GABBR2: variants seen among roughly 807,000 people sequenced by gnomAD.
The protein encoded by GABBR2 is G-protein coupled receptor 51.
In GABBR2, 23 loss-of-function variants were observed where a neutral mutation model predicts 105.6. That is an observed-to-expected ratio of 0.22 (90% CI 0.16 to 0.31). The LOEUF (loss-of-function observed/expected upper bound fraction) is 0.31, where lower values mean the gene tolerates loss of function less well. Ranked by LOEUF, GABBR2 falls within the 10% of genes least tolerant of loss-of-function variation. The pLI is 1.00. For synonymous variants in GABBR2, 478 were observed against 499.7 expected (o/e 0.96, Z 0.58); for missense variants, 734 against 1,245.5 (o/e 0.59, Z 6.18).
chr9:98,421,674 G>C (rs749265252), intron 7 of GABBR2, among the ~76,000 whole-genome samples: 2 of 152,044 alleles, frequency 1.3e-5, no homozygotes, highest in African/African-American at 2.4e-5. Flanking sequence ...TGGAATAAAG[G>C]GTTAATAGGT....
At chr9:98,506,618 C>G (rs1827517476) in intron 3 of GABBR2, among the ~76,000 whole-genome samples, 1 of 152,198 alleles carries the variant, frequency 6.6e-6, no homozygotes, top group South Asian at 2.1e-4. Context: ...AGGAAGAAAT[C>G]TGGGGAGAGC....
intron 1 of GABBR2, chr9:98,707,521 C>T (rs1830912610): frequency 6.6e-6 from 1 of 152,606 alleles, no homozygotes; most frequent in East Asian, 1.9e-4. Context: ...CGCTCTGGGG[C>T]TTCAGGCAGA....
rs77593793 is a variant in GABBR2 at position 98,540,127 on chromosome 9, C to T, written c.630+1746G>A. Reference sequence around the variant, plus strand: ...TCAGCGTTTGGCAATGAGTCACTCCCGCTGGAGGTCAAGTTCCCTTTGTGC... The same window carrying T: ...TCAGCGTTTGGCAATGAGTCACTCCTGCTGGAGGTCAAGTTCCCTTTGTGC... On this transcript the variant is annotated intron_variant, in intron 3 of 18. Coordinates refer to ENST00000259455, the MANE Select transcript of GABBR2 (RefSeq NM_005458.8). Among the ~76,000 whole-genome samples the T allele has an allele frequency of 3.4e-3, 524 of 152,160 alleles. 3 individuals carry two copies. Among genetic ancestry groups the T allele is most frequent in the African/African-American group, 0.012 (505 of 41,526 alleles).
intron 12 of GABBR2, among the ~76,000 whole-genome samples, chr9:98,368,423 T>C (rs568639573): frequency 6.6e-6 from 1 of 152,198 alleles, no homozygotes; most frequent in African/African-American, 2.4e-5. Context: ...ACTGCAAGCC[T>C]GAGCTCTCAG....
chr9:98,398,902 G>A (rs1003958290), intron 8 of GABBR2, among the ~76,000 whole-genome samples: 1 of 152,182 alleles, frequency 6.6e-6, no homozygotes, highest in Admixed American at 6.5e-5. Context: ...AATACCCTGG[G>A]GTACAGTAAC....
chr9:98,320,198 A>C (rs1446497202), intron 13 of GABBR2, among the ~76,000 whole-genome samples: 2 of 152,006 alleles, frequency 1.3e-5, no homozygotes, highest in Non-Finnish European at 2.9e-5. Context: ...AAAAGAAGAC[A>C]TTTGTGCAGC....
chr9:98,658,675 C>A (rs890221686), intron 1 of GABBR2, among the ~76,000 whole-genome samples: 2 of 152,198 alleles, frequency 1.3e-5, no homozygotes, highest in African/African-American at 4.8e-5. Flanking sequence ...GGCTTCCTCC[C>A]TAGGGCAGTG....
chr9:98,534,427 C>T (rs2131731149), intron 3 of GABBR2, among the ~76,000 whole-genome samples: 1 of 152,320 alleles, frequency 6.6e-6, no homozygotes, highest in Non-Finnish European at 1.5e-5. Context: ...AGGGGCCAGC[C>T]ACGGGCTAAG....
chr9:98,663,368 A>C (rs1830292421), intron 1 of GABBR2, among the ~76,000 whole-genome samples: 1 of 152,174 alleles, frequency 6.6e-6, no homozygotes, highest in Non-Finnish European at 1.5e-5. Context: ...ACTCTGTTAC[A>C]GAACTGGTCT....
rs982694490 is a variant in GABBR2, at chr9:98,571,680, C to G, written c.459+6255G>C. On this transcript the variant is annotated intron_variant, in intron 2 of 18. Coordinates refer to ENST00000259455, the MANE Select transcript of GABBR2 (RefSeq NM_005458.8). ...ATAGTTGGAGAGCCACTGACCTGGT[C>G]TATGCCTACTCTGTGTATTAAATTT... Among the ~76,000 whole-genome samples the G allele has an allele frequency of 5.3e-5, 8 of 152,320 alleles. 1 individual carries two copies. Among genetic ancestry groups the G allele is most frequent in the Admixed American group, 3.3e-4 (5 of 15,312 alleles).
chr9:98,496,868 G>T (rs1050938779), intron 3 of GABBR2, among the ~76,000 whole-genome samples: 1 of 152,078 alleles, frequency 6.6e-6, no homozygotes, highest in African/African-American at 2.4e-5. Flanking sequence ...TTAATATTTT[G>T]CACTATTTAT....
intron 13 of GABBR2, among the ~76,000 whole-genome samples, chr9:98,314,522 T>G (rs1015862297): frequency 2.1e-4 from 32 of 152,120 alleles, no homozygotes; most frequent in Admixed American, 5.2e-4. Flanking sequence ...ACAGCATTGC[T>G]CAATGGGATG....
chr9:98,659,902 G>C (rs1830236890), intron 1 of GABBR2, among the ~76,000 whole-genome samples: 1 of 151,964 alleles, frequency 6.6e-6, no homozygotes, highest in Admixed American at 6.6e-5. Context: ...TTGCTGTCCT[G>C]TGATATGGAT....
At chr9:98,357,284 C>T (rs1831500625) in intron 13 of GABBR2, among the ~76,000 whole-genome samples, 1 of 152,176 alleles carries the variant, frequency 6.6e-6, no homozygotes, top group Non-Finnish European at 1.5e-5. Context: ...CTTCTGTTAA[C>T]TTTTTCTGTA....
At chr9:98,364,053 T>A (rs924294213) in intron 12 of GABBR2, among the ~76,000 whole-genome samples, 3 of 152,190 alleles carry the variant, frequency 2.0e-5, no homozygotes. Flanking sequence ...GGGGCCTTTA[T>A]GTTACCGAAT....
chr9:98,399,478 G>A (rs1206709651), intron 8 of GABBR2, among the ~76,000 whole-genome samples: 7 of 151,814 alleles, frequency 4.6e-5, no homozygotes, highest in Admixed American at 2.0e-4. Context: ...CACTTATCAC[G>A]CATCACACTT....
chr9:98,546,091 C>T (rs1212624957), intron 2 of GABBR2, among the ~76,000 whole-genome samples: 1 of 152,128 alleles, frequency 6.6e-6, no homozygotes, highest in Non-Finnish European at 1.5e-5. Context: ...GAGAATTTGG[C>T]AAGTGCAGTG....
chr9:98,690,434 A>G (rs1287051716), intron 1 of GABBR2, among the ~76,000 whole-genome samples: 1 of 152,208 alleles, frequency 6.6e-6, no homozygotes, highest in Non-Finnish European at 1.5e-5. Flanking sequence ...ATCTTTATAC[A>G]TCAGCTTCTT....
intron 2 of GABBR2, among the ~76,000 whole-genome samples, chr9:98,560,385 G>A (rs1826981619): frequency 6.7e-6 from 1 of 150,362 alleles, no homozygotes; most frequent in African/African-American, 2.4e-5. Context: ...GCACACGTGC[G>A]TGTGCGCATA....
Sources: gnomAD v4.1 joint callset for allele counts (sites outside exome capture counted in the v4.1 genomes callset) on GRCh38, gnomAD v4.1.1 for gene constraint, MANE v1.5 for transcripts, NCBI Gene and HGNC (gene_info 2026-07-23, HGNC 2026-07-21) for gene names.